ZNF444: variants seen among roughly 807,000 people sequenced by gnomAD.
ZNF444 encodes zinc finger protein 444.
A neutral mutation model predicts 14.4 loss-of-function variants in ZNF444; 8 were observed. That is an observed-to-expected ratio of 0.56 (90% CI 0.33 to 1.00). The LOEUF (loss-of-function observed/expected upper bound fraction) is 1.00. Ranked by LOEUF, ZNF444 falls within the 50% of genes least tolerant of loss-of-function variation. The pLI is 0.03. For synonymous variants in ZNF444, 258 were observed against 235.9 expected, an observed-to-expected ratio of 1.09 and a Z score of -0.86; for missense variants, 510 against 504.8, an observed-to-expected ratio of 1.01 and a Z score of -0.10.
Position 56,147,110 on chromosome 19 carries a change from C to A in ZNF444, c.199C>A (p.Gln67Lys). 1 of 1,584,008 alleles carries A rather than the reference C, an allele frequency of 6.3e-7. No homozygotes were observed. The highest frequency in any genetic ancestry group is 8.6e-7 in the Non-Finnish European group (1 of 1,168,924). Residue 67 changes from glutamine to lysine, a missense_variant, in exon 3 of 5, where the codon CAG becomes AAG. Transcript: ENST00000337080. The surrounding 1 kb of genome is among the most constrained non-coding windows in gnomAD (Gnocchi z 5.9). ...EQMLELLVLE[Q>K]FLSALPADTQ... ...GATGTTGGAGCTGCTGGTGCTGGAACAGTTCCTGAGCGCGCTGCCCGCCGA... is the reference window on the plus strand; with the variant it reads ...GATGTTGGAGCTGCTGGTGCTGGAAAAGTTCCTGAGCGCGCTGCCCGCCGA...
intron 3 of ZNF444, chr19:56,157,889 C>T (rs375738281): frequency 1.3e-5 from 2 of 152,164 alleles, no homozygotes; most frequent in Non-Finnish European, 2.9e-5. Context: ...GAAACCACAA[C>T]GAGTTGGACT....
At chr19:56,134,450 A>G (rs1418001008) in intron 1 of ZNF444, among the ~76,000 whole-genome samples, 1 of 152,226 alleles carries the variant, frequency 6.6e-6, no homozygotes, top group Admixed American at 6.5e-5. Flanking sequence ...TGAGTCGCTC[A>G]GCATGAGGTG....
intron 3 of ZNF444, chr19:56,150,288 C>T (rs2031493699): frequency 4.1e-6 from 1 of 245,192 alleles, no homozygotes; most frequent in Non-Finnish European, 8.1e-6. Context: ...ATGTATATAT[C>T]TTGCAAAATA....
chr19:56,156,667 C>T (rs1009883907), intron 3 of ZNF444: 1 of 152,272 alleles, frequency 6.6e-6, no homozygotes. Context: ...AGGCCTAAAG[C>T]TTCCCATCGT....
chr19:56,155,371 G>A (rs1046139518), intron 3 of ZNF444: 1 of 152,354 alleles, frequency 6.6e-6, no homozygotes, highest in Non-Finnish European at 1.5e-5. Flanking sequence ...GTTGTGTGTA[G>A]ATATGCTGAC....
In ZNF444 at chr19:56,147,288, C is replaced by T. The variant is rs997544071; in HGVS notation, c.297+80C>T. ...CCACCAGGAAGCCCAGGGAGGAGCA[C>T]CACTGAACCCCTGAAAACCAGTGTG... On this transcript the variant is annotated intron_variant, in intron 3 of 4. Transcript: ENST00000337080. The surrounding 1 kb of genome is among the most constrained non-coding windows in gnomAD (Gnocchi z 5.9). 7 of 1,358,804 alleles carry T rather than the reference C, an allele frequency of 5.2e-6. No individual in the cohort carries two copies. The highest frequency in any genetic ancestry group is 2.7e-4 in the Middle Eastern group (1 of 3,696). 84.2% of individuals were successfully genotyped at this position (1,358,804 alleles called of 1,614,324 possible).
chr19:56,141,943 C>T (rs2030852189), intron 1 of ZNF444: 1 of 152,124 alleles, frequency 6.6e-6, no homozygotes, highest in African/African-American at 2.4e-5. Flanking sequence ...TGTTTTGCTG[C>T]TTTCTCAGTG....
At chr19:56,153,312 G>A (rs746319027) in intron 3 of ZNF444, among the ~76,000 whole-genome samples, 2 of 152,170 alleles carry the variant, frequency 1.3e-5, no homozygotes, top group Non-Finnish European at 2.9e-5. Context: ...AGCCCCAGCT[G>A]GAATGTAGTC....
At chr19:56,138,203 A>G (rs544550552), upstream of ZNF444, among the ~76,000 whole-genome samples, 2 of 152,332 alleles carry the variant, frequency 1.3e-5, no homozygotes, top group East Asian at 3.9e-4. Flanking sequence ...CAATCTTTAA[A>G]AGGAAGGAGA....
Position 56,146,958 on chromosome 19 carries a change from T to C in ZNF444, c.47T>C (p.Leu16Pro). ...AAGCAGGAGGCCGAGGGCCTGGCGC[T>C]GGACTCCCCGTGGCACCGCTTCCGC... The part of the protein sequence containing the change: ...PVKQEAEGLA[L>P]DSPWHRFRRF... Residue 16 changes from leucine (L) to proline (P), a missense_variant, in exon 3 of 5, where the codon CTG (leucine) becomes CCG (proline). Leu to Pro is a moderately conservative substitution (Grantham distance 98). Transcript: ENST00000337080. 6 of 1,446,994 alleles carry C rather than the reference T, an allele frequency of 4.1e-6. No individual in the cohort carries two copies. The highest frequency in any genetic ancestry group is 5.4e-6 in the Non-Finnish European group (6 of 1,109,974). The allele number at this position is 1,446,994 out of a possible 1,614,324, so 89.6% of individuals were successfully genotyped here.
chr19:56,136,458 C>T (rs980594349), upstream of ZNF444, among the ~76,000 whole-genome samples: 3 of 152,090 alleles, frequency 2.0e-5, no homozygotes, highest in South Asian at 2.1e-4. Flanking sequence ...TTTTGTTGCA[C>T]GGATGTGGGG....
In ZNF444 at chr19:56,150,434, T is replaced by G. The variant is rs1472792478; in HGVS notation, c.297+3226T>G. The G allele has an allele frequency of 1.4e-5, 5 of 350,846 alleles. No individual in the cohort carries two copies. The Admixed American group carries it at 2.0e-4, about 14-fold the overall frequency. 21.7% of individuals were successfully genotyped at this position (350,846 alleles called of 1,614,324 possible). ...TTGCTCCGAGGCGAACCTCTCACTG[T>G]GGCTCTGGGATGTCTTTAGCATCTC... On this transcript the variant is annotated intron_variant, in intron 3 of 4. Coordinates refer to ENST00000337080, the MANE Select transcript of ZNF444 (RefSeq NM_018337.4).
rs893901829 is a variant in ZNF444 at position 56,145,288 on chromosome 19, T to C, written c.-196-959T>C. 2.0e-5 allele frequency among the ~76,000 whole-genome samples: 3 copies of C among 152,168 alleles called. No homozygotes were observed. Among genetic ancestry groups the C allele is most frequent in the Admixed American group, 6.6e-5 (1 of 15,264 alleles). ...ATTGTAAAGTATTTATTAATGCATTTAAAAATGGCAATCACGGCTGGGCGT... is the reference window on the plus strand; with the variant it reads ...ATTGTAAAGTATTTATTAATGCATTCAAAAATGGCAATCACGGCTGGGCGT... On this transcript the variant is annotated intron_variant, in intron 1 of 4. Transcript: ENST00000337080. The surrounding 1 kb of genome is among the most constrained non-coding windows in gnomAD (Gnocchi z 4.3).
At position 56,160,190 on chromosome 19, in the gene ZNF444, C is replaced by A; in HGVS notation, c.973C>A (p.Pro325Thr). ...TGGTGGAGGCCCCTTCCCGCCCTGG[C>A]CCTTGGGTTAGCCGCCTCCCGGCCA... Reference protein sequence around the residue: ...PDGGGPFPPWPLG With the variant: ...PDGGGPFPPWTLG Residue 325 changes from proline to threonine, a missense_variant, in exon 5 of 5, where the codon CCC (proline) becomes ACC (threonine). Coordinates refer to ENST00000337080, the MANE Select transcript of ZNF444 (RefSeq NM_018337.4). The A allele has an allele frequency of 2.7e-6, 4 of 1,459,364 alleles. No individual in the cohort carries two copies. Among genetic ancestry groups the A allele is most frequent in the Non-Finnish European group, 3.6e-6 (4 of 1,116,068 alleles). The allele number at this position is 1,459,364 out of a possible 1,614,324, so 90.4% of individuals were successfully genotyped here. A position where few individuals can be genotyped will look rare whatever the true frequency, so the allele number is the denominator to read the frequency against.
Position 56,159,791 on chromosome 19 carries a change from G to A in ZNF444, c.574G>A (p.Ala192Thr). 1 of 1,592,236 alleles carries A rather than the reference G, an allele frequency of 6.3e-7. No homozygotes were observed. The highest frequency in any genetic ancestry group is 8.5e-7 in the Non-Finnish European group (1 of 1,173,800). Residue 192 changes from alanine to threonine, a missense_variant, in exon 5 of 5, where the codon GCT becomes ACT. Physicochemically the swap from Ala to Thr is moderately conservative, Grantham distance 58. Transcript: ENST00000337080. ...GTGCGGCAAAACGTCCCTGAAACCA[G>A]CTCACCTGCTGCGCCACCGGCAGAG... ...PECGKTSLKP[A>T]HLLRHRQSHS...
chr19:56,134,721 T>C (rs2030572352), intron 1 of ZNF444, among the ~76,000 whole-genome samples: 1 of 151,994 alleles, frequency 6.6e-6, no homozygotes, highest in African/African-American at 2.4e-5. Flanking sequence ...GGACCTGTCC[T>C]AAACGCTGGT....
rs1023615466 is a variant in ZNF444 at position 56,145,598 on chromosome 19, A to T, written c.-196-649A>T. On this transcript the variant is annotated intron_variant, in intron 1 of 4. Coordinates refer to ENST00000337080, the MANE Select transcript of ZNF444 (RefSeq NM_018337.4). This position sits in a 1 kb window ranked among gnomAD's most constrained non-coding sequence, Gnocchi z 4.3. ...GAGACTCCATCTCAAAACAAAAATT[A>T]AAAAAAAAAATAGAGACAGGAGAGC... Among the ~76,000 whole-genome samples, 2 of 125,126 alleles carry T rather than the reference A, an allele frequency of 1.6e-5. No individual in the cohort carries two copies. Among genetic ancestry groups the T allele is most frequent in the African/African-American group, 8.0e-5 (2 of 25,062 alleles). 82.1% of individuals were successfully genotyped at this position (125,126 alleles called of 152,430 possible).
Position 56,159,695 on chromosome 19 carries a change from C to T in ZNF444, c.478C>T (p.Pro160Ser), listed in dbSNP as rs1171231732. 2 of 1,541,052 alleles carry T rather than the reference C, an allele frequency of 1.3e-6. No homozygotes were observed. The highest frequency in any genetic ancestry group is 1.7e-6 in the Non-Finnish European group (2 of 1,147,976). Residue 160 changes from proline (P) to serine (S), a missense_variant, in exon 5 of 5, where the codon CCC (proline) becomes TCC (serine). By Grantham distance (74) the Pro-to-Ser change is moderately conservative. Transcript: ENST00000337080. ...GGCTGTGCGCCCCTACAAGCAGGAG[C>T]CCAGCAGCCCCCCGCTGGCGCCTGG... is the stretch of plus-strand genomic sequence containing the variant. ...SQAVRPYKQE[P>S]SSPPLAPGLP...
At chr19:56,158,637 C>G in intron 4 of ZNF444, 35 bp downstream of exon 4, 2 of 1,536,802 alleles carry the variant, frequency 1.3e-6, no homozygotes, top group Non-Finnish European at 1.8e-6. Flanking sequence ...TCCCCGCCAG[C>G]CCCCAGCACC....
Sources: gnomAD v4.1 joint callset for allele counts (sites outside exome capture counted in the v4.1 genomes callset) on GRCh38, gnomAD v4.1.1 for gene constraint, Gnocchi (gnomAD v3.1) non-coding constraint, MANE v1.5 for transcripts, NCBI Gene and HGNC (gene_info 2026-07-23, HGNC 2026-07-21) for gene names.